OSBPL9: variants seen among roughly 807,000 people sequenced by gnomAD.
OSBPL9 encodes oxysterol-binding protein-related protein 9.
Under a neutral mutation model 106.6 loss-of-function variants are expected in OSBPL9, and 40 were observed. The observed-to-expected ratio is 0.38, with a 90% CI of 0.29 to 0.49. The LOEUF (loss-of-function observed/expected upper bound fraction) is 0.49, where lower values mean the gene tolerates loss of function less well. Ranked by LOEUF, OSBPL9 falls within the 20% of genes least tolerant of loss-of-function variation. OSBPL9 has a pLI of 0.97. For synonymous variants in OSBPL9, 269 were observed against 295.4 expected, an observed-to-expected ratio of 0.91 and a Z score of 0.92; for missense variants, 609 against 887.2, an observed-to-expected ratio of 0.69 and a Z score of 3.98.
intron 3 of OSBPL9, among the ~76,000 whole-genome samples, chr1:51,686,214 C>T (rs1653767764): frequency 6.6e-6 from 1 of 152,186 alleles, no homozygotes; most frequent in African/African-American, 2.4e-5. Context: ...GAGTATAATT[C>T]TCCTAGGTAC....
intron 15 of OSBPL9, among the ~76,000 whole-genome samples, chr1:51,778,116 A>G (rs1675493446): frequency 6.6e-6 from 1 of 152,146 alleles, no homozygotes; most frequent in African/African-American, 2.4e-5. Flanking sequence ...AGCTATAATC[A>G]CACCACTGCA....
chr1:51,535,128 T>C, the OSBPL9 span, among the ~76,000 whole-genome samples: 3 of 152,226 alleles, frequency 2.0e-5, no homozygotes, highest in East Asian at 5.8e-4. Flanking sequence ...AGGCCTTTGT[T>C]TTCTTCCAGC....
At chr1:51,719,652 G>T (rs1313539972) in intron 4 of OSBPL9, among the ~76,000 whole-genome samples, 1 of 151,976 alleles carries the variant, frequency 6.6e-6, no homozygotes, top group Admixed American at 6.6e-5. Flanking sequence ...GTAAATTGGG[G>T]CCCATTTTAG....
chr1:51,674,286 A>G (rs1406627569), intron 3 of OSBPL9, among the ~76,000 whole-genome samples: 2 of 151,828 alleles, frequency 1.3e-5, no homozygotes, highest in African/African-American at 4.8e-5. Context: ...TTGAGTTAAA[A>G]TTTATATGTG....
intron 1 of OSBPL9, chr1:51,594,825 T>A (rs1361628935): frequency 6.6e-6 from 1 of 151,322 alleles, no homozygotes; most frequent in East Asian, 1.9e-4. Flanking sequence ...GGGCGTGGAG[T>A]CTGTTCTATA....
At chr1:51,596,613 C>T (rs1645301035) in intron 1 of OSBPL9, among the ~76,000 whole-genome samples, 2 of 150,976 alleles carry the variant, frequency 1.3e-5, no homozygotes, top group South Asian at 4.2e-4. Flanking sequence ...AACCCCATCC[C>T]TACTAAAAAT....
the OSBPL9 span, among the ~76,000 whole-genome samples, chr1:51,564,058 A>AAAAAAAAAAAG: frequency 1.4e-5 from 2 of 147,116 alleles, no homozygotes; most frequent in African/African-American, 5.0e-5. Context: ...ATCTCAAAAA[A>AAAAAAAAAAAG]AAAAAAAAAA....
At chr1:51,589,135 C>T (rs1251398512) in intron 1 of OSBPL9, among the ~76,000 whole-genome samples, 1 of 151,844 alleles carries the variant, frequency 6.6e-6, no homozygotes, top group East Asian at 1.9e-4. Flanking sequence ...GTCACCCAGG[C>T]TGGAGTGCAG....
chr1:51,560,423 T>G, the OSBPL9 span, among the ~76,000 whole-genome samples: 1 of 152,242 alleles, frequency 6.6e-6, no homozygotes, highest in Non-Finnish European at 1.5e-5. Context: ...ATAATAGTAC[T>G]TACCTTATAG....
chr1:51,609,778 G>A (rs1389610078), intron 2 of OSBPL9, among the ~76,000 whole-genome samples: 1 of 143,380 alleles, frequency 7.0e-6, no homozygotes, highest in African/African-American at 2.6e-5. Context: ...ACGGAGTTTT[G>A]CTCTTGTTGC....
chr1:51,678,301 A>G (rs1651762826), intron 3 of OSBPL9, among the ~76,000 whole-genome samples: 2 of 152,252 alleles, frequency 1.3e-5, no homozygotes, highest in South Asian at 4.1e-4. Flanking sequence ...AAAAAATGTA[A>G]TGTAAGTCTT....
intron 8 of OSBPL9, among the ~76,000 whole-genome samples, chr1:51,755,082 CA>C (rs1456329341): frequency 4.6e-5 from 7 of 152,152 alleles, no homozygotes; most frequent in Non-Finnish European, 8.8e-5. Context: ...GCTGGCATTA[CA>C]GGCATGACTC....
intron 1 of OSBPL9, among the ~76,000 whole-genome samples, chr1:51,639,115 G>A (rs1042074528): frequency 6.6e-6 from 1 of 152,042 alleles, no homozygotes; most frequent in African/African-American, 2.4e-5. Flanking sequence ...TGTATAATTA[G>A]TTGAGTCTTT....
At position 51,729,861 on chromosome 1, in the gene OSBPL9, A is replaced by T; in HGVS notation, c.319-15675A>T. 8.0e-7 allele frequency: 1 copy of T among 1,249,094 alleles called. No individual in the cohort carries two copies. Among genetic ancestry groups the T allele is most frequent in the Non-Finnish European group, 1.0e-6 (1 of 989,230 alleles). 77.4% of individuals were successfully genotyped at this position (1,249,094 alleles called of 1,614,324 possible). A position where few individuals can be genotyped will look rare whatever the true frequency, so the allele number is the denominator to read the frequency against. ...CCGGGGGACGGGCTGAACCTCAGTCAGGACCGCCTGCACCGCAGTCCGGGG... is the reference window on the plus strand; with the variant it reads ...CCGGGGGACGGGCTGAACCTCAGTCTGGACCGCCTGCACCGCAGTCCGGGG... On this transcript the variant is annotated intron_variant, in intron 4 of 23. Coordinates refer to ENST00000428468, the MANE Select transcript of OSBPL9 (RefSeq NM_024586.6). This position sits in a 1 kb window ranked among gnomAD's most constrained non-coding sequence, Gnocchi z 5.1.
At position 51,602,736 on chromosome 1, in the gene OSBPL9, G is replaced by A. The variant is rs12084559; in HGVS notation, c.-353+4543G>A. Among the ~76,000 whole-genome samples, 318 of 152,268 alleles carry A rather than the reference G, an allele frequency of 2.1e-3. 1 individual carries two copies. Among genetic ancestry groups the A allele is most frequent in the African/African-American group, 7.2e-3 (301 of 41,550 alleles). Reference sequence around the variant, plus strand: ...GGTGGGATTACAGGCATGAGCTACTGTACCCAGCCAACTAAACTCTTGAAT... The same window carrying A: ...GGTGGGATTACAGGCATGAGCTACTATACCCAGCCAACTAAACTCTTGAAT... On this transcript the variant is annotated intron_variant, in intron 2 of 25. Transcript: ENST00000371714.
At chr1:51,578,174 A>G (rs1938171) in intron 1 of OSBPL9, among the ~76,000 whole-genome samples, 24,200 of 152,184 alleles carry the variant, frequency 0.16, 3,744 homozygotes, top group African/African-American at 0.4. Context: ...TGCCTAAGCC[A>G]TAAGATTCTT....
chr1:51,538,039 T>C, the OSBPL9 span, among the ~76,000 whole-genome samples: 1 of 151,836 alleles, frequency 6.6e-6, no homozygotes, highest in Non-Finnish European at 1.5e-5. Flanking sequence ...GCCTGTAATC[T>C]CAGCACTTTG....
intron 1 of OSBPL9, among the ~76,000 whole-genome samples, chr1:51,641,771 C>T (rs1450259040): frequency 6.6e-6 from 1 of 152,106 alleles, no homozygotes; most frequent in East Asian, 1.9e-4. Context: ...TTCTCAGCTT[C>T]CTGGGAGCAC....
chr1:51,564,472 A>G, the OSBPL9 span, among the ~76,000 whole-genome samples: 6 of 150,792 alleles, frequency 4.0e-5, no homozygotes, highest in Admixed American at 6.6e-5. Flanking sequence ...CTTGTACCCC[A>G]GGACCCTCTG....
Sources: allele counts gnomAD v4.1 joint callset (sites outside exome capture counted in the v4.1 genomes callset), GRCh38; gene constraint gnomAD v4.1.1; non-coding constraint Gnocchi (gnomAD v3.1); transcripts MANE v1.5; gene names NCBI Gene and HGNC (gene_info 2026-07-23, HGNC 2026-07-21).